TNFRSF19: variants seen among roughly 807,000 people sequenced by gnomAD.
TNFRSF19 encodes the protein tumor necrosis factor receptor superfamily member 19.
TNFRSF19 carries 27 observed loss-of-function variants against 46.4 expected under a neutral mutation model. The observed-to-expected ratio is 0.58, with a 90% CI of 0.43 to 0.80. The LOEUF (loss-of-function observed/expected upper bound fraction) is 0.80. Ranked by LOEUF, TNFRSF19 falls within the 30% of genes least tolerant of loss-of-function variation. The pLI is 0.00. For missense variants in TNFRSF19, 511 were observed against 530.8 expected (o/e 0.96, Z 0.37); for synonymous variants, 204 against 205.0 (o/e 1.00, Z 0.04).
At chr13:23,651,840 CTT>C (rs71070609) in intron 5 of TNFRSF19, among the ~76,000 whole-genome samples, 61 of 35,986 alleles carry the variant, frequency 1.7e-3, no homozygotes, top group South Asian at 4.6e-3. Context: ...ACACTATAGT[CTT>C]TTTTTTTTTT....
At chr13:23,655,357 G>A (rs994228083) in intron 5 of TNFRSF19, among the ~76,000 whole-genome samples, 1 of 152,206 alleles carries the variant, frequency 6.6e-6, no homozygotes, top group African/African-American at 2.4e-5. Context: ...AATTGCTAAA[G>A]GGTAGTGCTA....
chr13:23,595,160 T>C (rs951170749), intron 3 of TNFRSF19, among the ~76,000 whole-genome samples: 10 of 152,126 alleles, frequency 6.6e-5, no homozygotes, highest in African/African-American at 9.7e-5. Context: ...GAAAAACCAG[T>C]GCAAAAAGGC....
chr13:23,598,525 T>G (rs1879900529), intron 3 of TNFRSF19, among the ~76,000 whole-genome samples: 2 of 152,190 alleles, frequency 1.3e-5, no homozygotes, highest in Admixed American at 6.5e-5. Flanking sequence ...TGCTCTGAGA[T>G]AGCAGGCATT....
At chr13:23,617,049 A>C (rs546852087) in intron 4 of TNFRSF19, among the ~76,000 whole-genome samples, 1 of 152,264 alleles carries the variant, frequency 6.6e-6, no homozygotes, top group East Asian at 1.9e-4. Flanking sequence ...TTGTCAGGAT[A>C]GGCTTTATTG....
intron 7 of TNFRSF19, among the ~76,000 whole-genome samples, chr13:23,662,444 T>C (rs1221891445): frequency 6.6e-6 from 1 of 152,238 alleles, no homozygotes; most frequent in African/African-American, 2.4e-5. Context: ...TAGCGTAGTT[T>C]GAAATCAGCT....
intron 3 of TNFRSF19, among the ~76,000 whole-genome samples, chr13:23,595,642 C>T (rs975821073): frequency 2.0e-5 from 3 of 152,180 alleles, no homozygotes; most frequent in Middle Eastern, 6.8e-3. Flanking sequence ...TATTGGTGTC[C>T]CTGAAAGTGA....
intron 5 of TNFRSF19, among the ~76,000 whole-genome samples, chr13:23,636,817 G>A (rs149897959): frequency 8.0e-4 from 122 of 152,270 alleles, no homozygotes; most frequent in African/African-American, 2.8e-3. Flanking sequence ...GGAAGCAGGA[G>A]CTCACTCTCC....
At chr13:23,662,634 A>G (rs1884442821) in intron 7 of TNFRSF19, among the ~76,000 whole-genome samples, 4 of 152,216 alleles carry the variant, frequency 2.6e-5, no homozygotes, top group Admixed American at 2.0e-4. Flanking sequence ...GGCCACTTTA[A>G]TGAAATTGAT....
At chr13:23,628,453 G>A (rs1387079523) in intron 5 of TNFRSF19, among the ~76,000 whole-genome samples, 1 of 152,170 alleles carries the variant, frequency 6.6e-6, no homozygotes, top group Non-Finnish European at 1.5e-5. Flanking sequence ...CCACCATTCT[G>A]TCAGGAAGGT....
chr13:23,603,517 A>G (rs2183096), intron 3 of TNFRSF19, among the ~76,000 whole-genome samples: 151,517 of 152,100 alleles, frequency 1, 75,475 homozygotes, highest in Middle Eastern at 1. Context: ...GACTTTACAA[A>G]GAAACTATAG....
chr13:23,587,255 A>G (rs763805311), intron 1 of TNFRSF19, among the ~76,000 whole-genome samples: 6 of 152,122 alleles, frequency 3.9e-5, no homozygotes, highest in Non-Finnish European at 8.8e-5. Context: ...CGCTTAAGCT[A>G]TTTCATTAAA....
At chr13:23,581,253 C>T (rs1439451446) in intron 1 of TNFRSF19, among the ~76,000 whole-genome samples, 2 of 152,038 alleles carry the variant, frequency 1.3e-5, no homozygotes, top group South Asian at 2.1e-4. Flanking sequence ...TCACGCCATT[C>T]TCCTGCCTCA....
At chr13:23,649,965 C>G (rs9783554) in intron 5 of TNFRSF19, among the ~76,000 whole-genome samples, 34,963 of 152,014 alleles carry the variant, frequency 0.23, 4,802 homozygotes, top group Non-Finnish European at 0.31. Context: ...GTTTTGTGAC[C>G]TAACAGGTGG....
chr13:23,573,253 A>C (rs560741195), intron 1 of TNFRSF19, among the ~76,000 whole-genome samples: 14 of 152,208 alleles, frequency 9.2e-5, no homozygotes, highest in Non-Finnish European at 1.5e-4. Context: ...AAATAAAGAC[A>C]GCCACTTCCT....
chr13:23,657,696 TTCTTC>T (rs1884069434), intron 5 of TNFRSF19, among the ~76,000 whole-genome samples: 1 of 152,094 alleles, frequency 6.6e-6, no homozygotes, highest in African/African-American at 2.4e-5. Context: ...CTTCTTCTTC[TTCTTC>T]TTTTTTTCTT....
intron 9 of TNFRSF19, 51 bp downstream of exon 9, chr13:23,669,148 T>A: frequency 1.3e-6 from 2 of 1,565,932 alleles, no homozygotes; most frequent in Non-Finnish European, 1.7e-6. Flanking sequence ...TTACAGTAGA[T>A]CAGAACTCTG....
chr13:23,621,778 TA>T (rs201195182), intron 4 of TNFRSF19, among the ~76,000 whole-genome samples: 2,388 of 147,098 alleles, frequency 0.016, 60 homozygotes, highest in African/African-American at 0.053. Context: ...ACCCTATCTC[TA>T]AAAAAAAAAA....
At chr13:23,607,587 T>C (rs1593251112) in intron 3 of TNFRSF19, among the ~76,000 whole-genome samples, 1 of 152,162 alleles carries the variant, frequency 6.6e-6, no homozygotes, top group African/African-American at 2.4e-5. Context: ...AAGTTAATTA[T>C]GAAAAAGAAG....
At chr13:23,578,158 G>A (rs1188845409) in intron 1 of TNFRSF19, among the ~76,000 whole-genome samples, 3 of 152,170 alleles carry the variant, frequency 2.0e-5, no homozygotes, top group Non-Finnish European at 4.4e-5. Flanking sequence ...GAAGTTCAGC[G>A]GGATGTGGGA....
Sources: gnomAD v4.1 joint callset for allele counts (sites outside exome capture counted in the v4.1 genomes callset) on GRCh38, gnomAD v4.1.1 for gene constraint, MANE v1.5 for transcripts, NCBI Gene and HGNC (gene_info 2026-07-23, HGNC 2026-07-21) for gene names.